TUSC3: variants seen among roughly 807,000 people sequenced by gnomAD.
TUSC3 encodes the protein tumor suppressor candidate 3.
Under a neutral mutation model 44.8 loss-of-function variants are expected in TUSC3, and 45 were observed. The observed-to-expected ratio is 1.00, with a 90% confidence interval of 0.79 to 1.29. The LOEUF (loss-of-function observed/expected upper bound fraction) is 1.29. Among genes scored for constraint, TUSC3 ranks in the 50% most tolerant of loss-of-function variants. TUSC3 has a pLI of 0.00. For synonymous variants in TUSC3, 212 were observed against 152.9 expected, an observed-to-expected ratio of 1.39 and a Z score of -2.85; for missense variants, 519 against 437.9, an observed-to-expected ratio of 1.19 and a Z score of -1.65.
At chr8:15,587,159 T>G (rs1327777343) in intron 1 of TUSC3, among the ~76,000 whole-genome samples, 5 of 152,198 alleles carry the variant, frequency 3.3e-5, no homozygotes, top group Non-Finnish European at 7.3e-5. Flanking sequence ...TGCTATTGGA[T>G]TATACTACTT....
intron 3 of TUSC3, among the ~76,000 whole-genome samples, chr8:15,653,801 A>T (rs1318875616): frequency 6.6e-6 from 1 of 152,204 alleles, no homozygotes; most frequent in Admixed American, 6.5e-5. Flanking sequence ...ATTAAATCAT[A>T]TTTTGCTGAA....
chr8:15,698,986 A>G (rs1207427533), intron 6 of TUSC3, among the ~76,000 whole-genome samples: 1 of 151,972 alleles, frequency 6.6e-6, no homozygotes, highest in Non-Finnish European at 1.5e-5. Flanking sequence ...AGCTGGGACT[A>G]CAGGTGCATG....
rs762713272 is a variant in TUSC3 at position 15,662,277 on chromosome 8, G to T, written c.689G>T (p.Gly230Val). Reference protein sequence around the residue: ...NNLEFIYNKTGWAMVSLCIVF... With the variant: ...NNLEFIYNKTVWAMVSLCIVF... ...TTGGAGTTCATCTATAACAAGACTG[G>T]TTGGGCCATGGTGTCTCTGGTATGT... The change falls in exon 5 of 11, where the codon GGT becomes GTT. Residue 230 changes from glycine (G) to valine (V), a missense_variant. Physicochemically the swap from Gly to Val is moderately radical, Grantham distance 109. Coordinates refer to ENST00000503731, the MANE Select transcript of TUSC3 (RefSeq NM_006765.4). 5 of 1,612,764 alleles carry T rather than the reference G, an allele frequency of 3.1e-6. No homozygotes were observed. Among genetic ancestry groups the T allele is most frequent in the Admixed American group, 3.3e-5 (2 of 59,916 alleles).
chr8:15,446,127 CG>C (rs1254002347), intron 1 of TUSC3, among the ~76,000 whole-genome samples: 1 of 150,648 alleles, frequency 6.6e-6, no homozygotes, highest in Non-Finnish European at 1.5e-5. Context: ...AGATCCCAGA[CG>C]GGGTCGCGGC....
chr8:15,667,477 G>A (rs922038786), intron 5 of TUSC3, among the ~76,000 whole-genome samples: 6 of 151,666 alleles, frequency 4.0e-5, no homozygotes, highest in African/African-American at 7.2e-5. Context: ...TGTTTATTAA[G>A]TAATGTCATT....
intron 2 of TUSC3, among the ~76,000 whole-genome samples, chr8:15,633,517 A>G (rs1296325686): frequency 1.3e-5 from 2 of 152,242 alleles, no homozygotes; most frequent in African/African-American, 4.8e-5. Context: ...ATTAGTTAAG[A>G]TGAGGTGATA....
chr8:15,788,251 G>C, the TUSC3 span, among the ~76,000 whole-genome samples: 5 of 128,646 alleles, frequency 3.9e-5, 1 homozygote, highest in Admixed American at 3.1e-4. Context: ...CATTCTTGTG[G>C]GGGAGGTAAG....
intron 1 of TUSC3, among the ~76,000 whole-genome samples, chr8:15,431,956 T>C (rs555626366): frequency 7.1e-6 from 1 of 140,258 alleles, no homozygotes; most frequent in African/African-American, 2.5e-5. Context: ...ATCTTTGCAT[T>C]CCAGGCATGA....
chr8:15,819,199 A>G, the TUSC3 span, among the ~76,000 whole-genome samples: 1 of 152,170 alleles, frequency 6.6e-6, no homozygotes, highest in African/African-American at 2.4e-5. Flanking sequence ...GCATTTTTCT[A>G]GATGTAATGG....
the TUSC3 span, among the ~76,000 whole-genome samples, chr8:15,808,650 G>A: frequency 6.6e-6 from 1 of 152,126 alleles, no homozygotes; most frequent in Non-Finnish European, 1.5e-5. Flanking sequence ...GTCTTTTATA[G>A]TTCCCAGGAG....
chr8:15,603,723 G>A (rs1349909367), intron 1 of TUSC3, among the ~76,000 whole-genome samples: 2 of 151,464 alleles, frequency 1.3e-5, no homozygotes, highest in Non-Finnish European at 3.0e-5. Context: ...AGCAATGAAT[G>A]GAATGGAATA....
chr8:15,690,862 TC>T (rs1172722961), intron 6 of TUSC3, among the ~76,000 whole-genome samples: 2 of 151,764 alleles, frequency 1.3e-5, no homozygotes, highest in Non-Finnish European at 2.9e-5. Flanking sequence ...GGTCTGTGTG[TC>T]TATATTTGTA....
chr8:15,508,360 A>T (rs1362319127), intron 2 of TUSC3, among the ~76,000 whole-genome samples: 1 of 152,054 alleles, frequency 6.6e-6, no homozygotes, highest in Non-Finnish European at 1.5e-5. Flanking sequence ...AGAGAAATGA[A>T]TGACAAGATC....
intron 6 of TUSC3, among the ~76,000 whole-genome samples, chr8:15,723,756 T>G (rs1810394697): frequency 6.6e-6 from 1 of 152,126 alleles, no homozygotes; most frequent in African/African-American, 2.4e-5. Flanking sequence ...CCAAGATACT[T>G]CCTATCTTAA....
intron 1 of TUSC3, among the ~76,000 whole-genome samples, chr8:15,607,266 G>A (rs1304673007): frequency 6.6e-6 from 1 of 152,024 alleles, no homozygotes; most frequent in Non-Finnish European, 1.5e-5. Flanking sequence ...ATTTAATGAG[G>A]CAGGCACCGG....
At chr8:15,582,454 C>T (rs1367667238) in intron 1 of TUSC3, among the ~76,000 whole-genome samples, 2 of 152,166 alleles carry the variant, frequency 1.3e-5, no homozygotes, top group African/African-American at 4.8e-5. Context: ...TAATGAAGGA[C>T]ATTTTGACCA....
downstream of TUSC3, among the ~76,000 whole-genome samples, chr8:15,771,597 A>G (rs1239331804): frequency 6.6e-6 from 1 of 152,160 alleles, no homozygotes; most frequent in Non-Finnish European, 1.5e-5. Context: ...TCTACAGTGT[A>G]TAAATAAACT....
At chr8:15,584,360 A>C (rs1190195424) in intron 1 of TUSC3, among the ~76,000 whole-genome samples, 2 of 152,188 alleles carry the variant, frequency 1.3e-5, no homozygotes, top group Non-Finnish European at 2.9e-5. Flanking sequence ...GATTCTGCTT[A>C]CATGTAGGAA....
chr8:15,806,378 T>G, the TUSC3 span: 3 of 737,434 alleles, frequency 4.1e-6, no homozygotes, highest in South Asian at 4.0e-5. Context: ...TGCCCAACTC[T>G]GCCTCCTTCT....
Sources: allele counts gnomAD v4.1 joint callset (sites outside exome capture counted in the v4.1 genomes callset), GRCh38; gene constraint gnomAD v4.1.1; transcripts MANE v1.5; gene names NCBI Gene and HGNC (gene_info 2026-07-23, HGNC 2026-07-21).